RP1: variants seen among roughly 807,000 people sequenced by gnomAD.
RP1 encodes the protein oxygen-regulated protein 1.
A neutral mutation model predicts 14.8 loss-of-function variants in RP1; 16 were observed. The ratio of observed to expected loss-of-function variants is 1.08; its 90% CI spans 0.73 to 1.65. RP1 has a LOEUF of 1.65. RP1 is among the 40% of genes most tolerant of loss of function. The pLI is 0.00. For synonymous variants in RP1, 876 were observed against 883.6 expected (o/e 0.99, Z 0.15); for missense variants, 2,631 against 2,535.0 (o/e 1.04, Z -0.81).
chr8:54,752,340 A>G (rs1585661946), intron 19 of RP1, among the ~76,000 whole-genome samples: 1 of 152,222 alleles, frequency 6.6e-6, no homozygotes, highest in Admixed American at 6.5e-5. Flanking sequence ...AGTGAGTGAT[A>G]GCAGTCGTAG....
intron 1 of RP1, among the ~76,000 whole-genome samples, chr8:54,601,496 G>A (rs529656832): frequency 4.7e-4 from 70 of 149,910 alleles, no homozygotes; most frequent in Non-Finnish European, 9.3e-4. Flanking sequence ...TGGGTGCAGC[G>A]CACCAGCATG....
At chr8:54,661,302 A>ATGATATATCAATGATATATATT (rs1806890753) in intron 6 of RP1, among the ~76,000 whole-genome samples, 1 of 122,684 alleles carries the variant, frequency 8.2e-6, no homozygotes, top group Non-Finnish European at 1.9e-5. Flanking sequence ...TGATATATAT[A>ATGATATATCAATGATATATATT]TGAGATATAT....
intron 5 of RP1, among the ~76,000 whole-genome samples, chr8:54,653,775 A>G (rs1030686698): frequency 1.3e-5 from 2 of 152,186 alleles, no homozygotes; most frequent in Non-Finnish European, 2.9e-5. Flanking sequence ...TATGTGAAAT[A>G]CTTTTATGCT....
At chr8:54,660,836 A>T (rs548356951) in intron 6 of RP1, among the ~76,000 whole-genome samples, 1 of 152,232 alleles carries the variant, frequency 6.6e-6, no homozygotes, top group East Asian at 1.9e-4. Context: ...ATTTCAGTTC[A>T]TTTTTATTAT....
intron 24 of RP1, among the ~76,000 whole-genome samples, chr8:54,801,927 G>A (rs1199283695): frequency 6.6e-6 from 1 of 152,120 alleles, no homozygotes; most frequent in African/African-American, 2.4e-5. Context: ...TTTCTTTGTT[G>A]TAAAAGTGAC....
At chr8:54,665,053 T>C (rs368761890) in intron 7 of RP1, among the ~76,000 whole-genome samples, 9 of 152,176 alleles carry the variant, frequency 5.9e-5, no homozygotes, top group Non-Finnish European at 1.2e-4. Flanking sequence ...TAGAAGTTCT[T>C]TATTTATTCT....
intron 22 of RP1, among the ~76,000 whole-genome samples, chr8:54,769,137 A>G (rs1242745240): frequency 1.3e-5 from 2 of 151,482 alleles, no homozygotes; most frequent in Non-Finnish European, 2.9e-5. Flanking sequence ...CTCATGATCC[A>G]CCCGCCTTGG....
chr8:54,675,821 C>A (rs1331906541), intron 8 of RP1, among the ~76,000 whole-genome samples: 2 of 152,188 alleles, frequency 1.3e-5, no homozygotes, highest in Admixed American at 6.6e-5. Flanking sequence ...GAAGCAAGAC[C>A]TCACCATCTG....
Position 54,694,257 on chromosome 8 carries a change from C to T in RP1, c.1718-5210C>T, listed in dbSNP as rs907443910. 7.2e-5 allele frequency among the ~76,000 whole-genome samples: 11 copies of T among 152,112 alleles called. 1 individual carries two copies. The South Asian group carries it at 8.3e-4, about 11-fold the overall frequency. ...TGAGGATTTTTGCATCAACGTTCATCGAGGATATTGGTCTAAAATTCTCTT... is the reference window on the plus strand; with the variant it reads ...TGAGGATTTTTGCATCAACGTTCATTGAGGATATTGGTCTAAAATTCTCTT... On this transcript the variant is annotated intron_variant, in intron 12 of 22. Coordinates refer to the RP1 transcript ENST00000636932.
intron 25 of RP1, among the ~76,000 whole-genome samples, chr8:54,848,112 G>A (rs965349227): frequency 6.6e-6 from 1 of 152,082 alleles, no homozygotes; most frequent in African/African-American, 2.4e-5. Flanking sequence ...TTGCAGTTTT[G>A]CTCTCATTTC....
chr8:54,782,845 T>C (rs781239411), intron 23 of RP1, among the ~76,000 whole-genome samples: 5 of 152,162 alleles, frequency 3.3e-5, no homozygotes, highest in Non-Finnish European at 7.3e-5. Context: ...AGCCTTTCTG[T>C]GCTCTCAGTA....
intron 1 of RP1, among the ~76,000 whole-genome samples, chr8:54,616,513 C>T (rs9643828): frequency 0.71 from 107,770 of 152,060 alleles, 38,310 homozygotes; most frequent in Middle Eastern, 0.81. Flanking sequence ...AGGCAATACA[C>T]TAAAGAAGAA....
intron 27 of RP1, among the ~76,000 whole-genome samples, chr8:54,861,752 G>C (rs1812348414): frequency 6.6e-6 from 1 of 152,046 alleles, no homozygotes; most frequent in Admixed American, 6.6e-5. Context: ...ACAGGCTCAT[G>C]CCACCATGCC....
intron 1 of RP1, among the ~76,000 whole-genome samples, chr8:54,620,271 TATA>T (rs1805822282): frequency 6.6e-6 from 1 of 152,236 alleles, no homozygotes; most frequent in Admixed American, 6.5e-5. Flanking sequence ...CCCATAAGAT[TATA>T]ATACCATATT....
intron 1 of RP1, among the ~76,000 whole-genome samples, chr8:54,584,501 C>T (rs561316659): frequency 2.2e-4 from 34 of 152,196 alleles, no homozygotes; most frequent in African/African-American, 7.0e-4. Context: ...GAGAGTTCTG[C>T]AGATGTCTAT....
At chr8:54,693,825 A>G (rs1367531928) in intron 12 of RP1, among the ~76,000 whole-genome samples, 4 of 152,122 alleles carry the variant, frequency 2.6e-5, no homozygotes, top group South Asian at 4.2e-4. Flanking sequence ...TCTCCTGCCT[A>G]ATTGCCCTGG....
chr8:54,607,019 C>A (rs575202024), intron 1 of RP1, among the ~76,000 whole-genome samples: 2 of 152,130 alleles, frequency 1.3e-5, no homozygotes, highest in Admixed American at 1.3e-4. Flanking sequence ...GTAGTTTGAT[C>A]GTCTGAAGTC....
chr8:54,649,690 C>T (rs1806617192), intron 4 of RP1, among the ~76,000 whole-genome samples: 1 of 152,142 alleles, frequency 6.6e-6, no homozygotes, highest in Non-Finnish European at 1.5e-5. Flanking sequence ...GCACCTGGCA[C>T]TTACAGATGC....
In RP1 at chr8:54,627,609, G is replaced by A. The variant is rs759125972; in HGVS notation, c.3727G>A (p.Glu1243Lys). 3 of 1,614,198 alleles carry A rather than the reference G, an allele frequency of 1.9e-6. No homozygotes were observed. Among genetic ancestry groups the A allele is most frequent in the Middle Eastern group, 1.6e-4 (1 of 6,062 alleles). Residue 1243 changes from glutamate to lysine, a missense_variant, in exon 4 of 4, where the codon GAG becomes AAG. Transcript: ENST00000220676. Reference protein sequence around the residue: ...SSLDGGCSASEACAPEVCVLE... With the variant: ...SSLDGGCSASKACAPEVCVLE... ...TTTGGATGGAGGTTGCTCTGCCAGTGAGGCATGTGCCCCTGAAGTCTGTGT... is the reference window on the plus strand; with the variant it reads ...TTTGGATGGAGGTTGCTCTGCCAGTAAGGCATGTGCCCCTGAAGTCTGTGT...
Sources: gnomAD v4.1 joint callset for allele counts (sites outside exome capture counted in the v4.1 genomes callset) on GRCh38, gnomAD v4.1.1 for gene constraint, MANE v1.5 for transcripts, NCBI Gene and HGNC (gene_info 2026-07-23, HGNC 2026-07-21) for gene names.